Variants in PLD3 observed in about 807,000 individuals in gnomAD.
PLD3 encodes the protein 5'-3' exonuclease PLD3.
A neutral mutation model predicts 58.4 loss-of-function variants in PLD3; 31 were observed. The observed-to-expected ratio is 0.53, with a 90% CI of 0.40 to 0.72. The LOEUF (loss-of-function observed/expected upper bound fraction) is 0.72. PLD3 is among the 30% of genes least tolerant of loss of function. The pLI is 0.00. For missense variants in PLD3, 595 were observed against 659.8 expected, an observed-to-expected ratio of 0.90 and a Z score of 1.08; for synonymous variants, 264 against 273.4, an observed-to-expected ratio of 0.97 and a Z score of 0.34.
At chr19:40,375,120 C>T (rs746913302) in intron 10 of PLD3, among the ~76,000 whole-genome samples, 3 of 151,784 alleles carry the variant, frequency 2.0e-5, no homozygotes, top group Non-Finnish European at 4.4e-5. Flanking sequence ...CGCGCCACTG[C>T]TCTCCAGCCT....
intron 10 of PLD3, among the ~76,000 whole-genome samples, chr19:40,375,619 C>T (rs1330776210): frequency 6.8e-6 from 1 of 146,338 alleles, no homozygotes; most frequent in African/African-American, 2.5e-5. Flanking sequence ...CACTGCACTC[C>T]AGCCTGGGCG....
intron 1 of PLD3, chr19:40,358,572 T>A (rs4803328): frequency 0.39 from 59,521 of 152,126 alleles, 14,241 homozygotes; most frequent in South Asian, 0.63. Flanking sequence ...TTTTTTAAGT[T>A]TTTGTAGAGA....
chr19:40,370,640 T>A (rs2079044969), intron 8 of PLD3: 1 of 158,620 alleles, frequency 6.3e-6, no homozygotes, highest in Non-Finnish European at 1.4e-5. Flanking sequence ...GCCACTGCAC[T>A]CCAGCCTGAG....
chr19:40,356,879 C>G (rs1026117910), intron 1 of PLD3: 1 of 152,110 alleles, frequency 6.6e-6, no homozygotes, highest in Admixed American at 6.6e-5. Flanking sequence ...CAATGGGGAG[C>G]CACAGAAGGA....
chr19:40,362,057 G>A (rs566245340), intron 1 of PLD3, among the ~76,000 whole-genome samples: 9 of 151,958 alleles, frequency 5.9e-5, no homozygotes, highest in African/African-American at 2.2e-4. Flanking sequence ...GGCTGGTCTC[G>A]AATGCCAGAC....
intron 6 of PLD3, among the ~76,000 whole-genome samples, chr19:40,369,532 TTGC>T (rs1363088998): frequency 6.6e-6 from 1 of 152,130 alleles, no homozygotes; most frequent in African/African-American, 2.4e-5. Flanking sequence ...TCCTTGACTG[TTGC>T]TGTTGTTGGC....
At position 40,370,093 on chromosome 19, in the gene PLD3, G is replaced by T. The variant is rs1240267089; in HGVS notation, c.551-17G>T. On this transcript the variant is annotated splice_polypyrimidine_tract_variant and intron_variant, in intron 7 of 12. Transcript: ENST00000409735. ...GTACCCAGCCTGGCCCCTGATCTCTGCCCCTGCTGGTCACAGGTGCCCAGG... is the reference window on the plus strand; with the variant it reads ...GTACCCAGCCTGGCCCCTGATCTCTTCCCCTGCTGGTCACAGGTGCCCAGG... 1 of 1,601,266 alleles carries T rather than the reference G, an allele frequency of 6.2e-7. No homozygotes were observed. The highest frequency in any genetic ancestry group is 1.1e-5 in the South Asian group (1 of 89,338).
At chr19:40,353,297 G>T (rs867741885) in intron 1 of PLD3, among the ~76,000 whole-genome samples, 19 of 152,176 alleles carry the variant, frequency 1.2e-4, no homozygotes, top group African/African-American at 4.6e-4. Context: ...AGGTGTGGTG[G>T]CGGGCACCTG....
At chr19:40,375,275 G>A (rs1484425061) in intron 10 of PLD3, among the ~76,000 whole-genome samples, 1 of 152,026 alleles carries the variant, frequency 6.6e-6, no homozygotes, top group Non-Finnish European at 1.5e-5. Flanking sequence ...GCTGGAAACA[G>A]GATGAGGGGC....
Position 40,377,846 on chromosome 19 carries a change from C to T in PLD3, c.1246C>T (p.His416Tyr). The change falls in exon 12 of 13, where the codon CAC (histidine) becomes TAC (tyrosine). Residue 416 changes from histidine to tyrosine, a missense_variant. Coordinates refer to ENST00000409735, the MANE Select transcript of PLD3 (RefSeq NM_012268.4). Reference sequence around the variant, plus strand: ...TCGAATCCCATATGCCCGTGTCAACCACAACAAGTACATGGTGACTGAACG... The same window carrying T: ...TCGAATCCCATATGCCCGTGTCAACTACAACAAGTACATGGTGACTGAACG... ...QARIPYARVN[H>Y]NKYMVTERAT... 3 of 1,614,014 alleles carry T rather than the reference C, an allele frequency of 1.9e-6. No homozygotes were observed. The highest frequency in any genetic ancestry group is 2.5e-6 in the Non-Finnish European group (3 of 1,179,918).
chr19:40,371,900 CAT>C, intron 9 of PLD3, 27 bp downstream of exon 9: 1 of 1,573,164 alleles, frequency 6.4e-7, no homozygotes, highest in Non-Finnish European at 8.7e-7. Flanking sequence ...TGGGGCCTGT[CAT>C]GTCCCAGCCC....
At chr19:40,367,671 G>T (rs1384804673) in intron 5 of PLD3, 25 bp from the exon 6 acceptor site, 4 of 1,589,044 alleles carry the variant, frequency 2.5e-6, no homozygotes, top group Non-Finnish European at 1.7e-6. Flanking sequence ...GCACCGTATG[G>T]CTGATAGCAT....
chr19:40,363,604 C>T (rs2078840922), intron 1 of PLD3, among the ~76,000 whole-genome samples: 1 of 152,068 alleles, frequency 6.6e-6, no homozygotes, highest in South Asian at 2.1e-4. Flanking sequence ...CTAATTTTTA[C>T]ATTTTTGGTA....
intron 1 of PLD3, among the ~76,000 whole-genome samples, chr19:40,354,335 GT>G (rs2078599757): frequency 1.3e-5 from 2 of 151,770 alleles, no homozygotes; most frequent in South Asian, 4.2e-4. Context: ...GCCTCCCAAA[GT>G]GCTGGGGTTA....
At chr19:40,349,777 G>A (rs895826525) in intron 1 of PLD3, among the ~76,000 whole-genome samples, 2 of 151,512 alleles carry the variant, frequency 1.3e-5, no homozygotes, top group Non-Finnish European at 2.9e-5. Context: ...TGATCAACAT[G>A]GAGAAACCCC....
At chr19:40,374,088 A>G (rs1412394317) in intron 9 of PLD3, among the ~76,000 whole-genome samples, 3 of 151,530 alleles carry the variant, frequency 2.0e-5, no homozygotes, top group African/African-American at 7.3e-5. Context: ...AGATTCCTGG[A>G]CCCCACCCCA....
intron 1 of PLD3, among the ~76,000 whole-genome samples, chr19:40,354,390 G>A (rs1382852256): frequency 1.3e-5 from 2 of 150,628 alleles, no homozygotes; most frequent in African/African-American, 4.9e-5. Flanking sequence ...TTATTTTTCT[G>A]TAGAGACAAG....
chr19:40,357,816 A>C (rs1434775071), intron 1 of PLD3: 1 of 152,226 alleles, frequency 6.6e-6, no homozygotes, highest in Non-Finnish European at 1.5e-5. Context: ...ACGAGGGCGT[A>C]CACAGATCTC....
intron 1 of PLD3, among the ~76,000 whole-genome samples, chr19:40,362,831 C>T (rs1423124623): frequency 6.6e-6 from 1 of 152,206 alleles, no homozygotes; most frequent in Non-Finnish European, 1.5e-5. Flanking sequence ...CTAATCATTA[C>T]AGACCTGTAA....
Sources: allele counts gnomAD v4.1 joint callset (sites outside exome capture counted in the v4.1 genomes callset), GRCh38; gene constraint gnomAD v4.1.1; transcripts MANE v1.5; gene names NCBI Gene and HGNC (gene_info 2026-07-23, HGNC 2026-07-21).